DIP2C: variants seen among roughly 807,000 people sequenced by gnomAD.
DIP2C encodes disco-interacting protein 2 homolog C.
In DIP2C, 33 loss-of-function variants were observed where a neutral mutation model predicts 192.4. That is an observed-to-expected ratio of 0.17 (90% CI 0.13 to 0.23). DIP2C has a LOEUF of 0.23. Ranked by LOEUF, DIP2C falls within the 10% of genes least tolerant of loss-of-function variation. The probability of loss-of-function intolerance (pLI) is 1.00; values close to 1 mark genes in which losing one functional copy is unlikely to be tolerated. For missense variants in DIP2C, 1,537 were observed against 2,110.1 expected, an observed-to-expected ratio of 0.73 and a Z score of 5.32; for synonymous variants, 979 against 864.1, an observed-to-expected ratio of 1.13 and a Z score of -2.33.
chr10:401,315 T>C (rs1964421729), intron 9 of DIP2C, among the ~76,000 whole-genome samples: 1 of 151,844 alleles, frequency 6.6e-6, no homozygotes, highest in Non-Finnish European at 1.5e-5. Context: ...GTTTGGTATG[T>C]GTTCATCAGC....
chr10:558,151 G>A (rs1299557838), intron 1 of DIP2C, among the ~76,000 whole-genome samples: 1 of 152,128 alleles, frequency 6.6e-6, no homozygotes, highest in Non-Finnish European at 1.5e-5. Flanking sequence ...TACCAGCCAC[G>A]CTGTTCCCCA....
intron 36 of DIP2C, among the ~76,000 whole-genome samples, chr10:279,504 A>G (rs1476677655): frequency 6.6e-6 from 1 of 152,194 alleles, no homozygotes; most frequent in African/African-American, 2.4e-5. Flanking sequence ...GGAGCTGTGC[A>G]CGCTATTTAA....
chr10:582,345 C>A (rs1850723235), intron 1 of DIP2C, among the ~76,000 whole-genome samples: 1 of 152,190 alleles, frequency 6.6e-6, no homozygotes, highest in Non-Finnish European at 1.5e-5. Flanking sequence ...CAGAGGTTCT[C>A]CGTAAAAACC....
intron 1 of DIP2C, among the ~76,000 whole-genome samples, chr10:609,271 C>T (rs890468459): frequency 2.8e-4 from 42 of 152,128 alleles, no homozygotes; most frequent in African/African-American, 9.4e-4. Context: ...ATTAACAGGA[C>T]AAGTTTTTTC....
intron 34 of DIP2C, among the ~76,000 whole-genome samples, chr10:284,443 T>G (rs1954993133): frequency 6.6e-6 from 1 of 152,196 alleles, no homozygotes; most frequent in African/African-American, 2.4e-5. Flanking sequence ...ATGCTGCCAT[T>G]TGCAACAGCA....
At chr10:463,333 C>A (rs1172095806) in intron 3 of DIP2C, among the ~76,000 whole-genome samples, 2 of 152,164 alleles carry the variant, frequency 1.3e-5, no homozygotes, top group African/African-American at 4.8e-5. Context: ...GCAAAAATCA[C>A]AAGCATTCTT....
At chr10:592,976 A>C (rs1462263470) in intron 1 of DIP2C, among the ~76,000 whole-genome samples, 2 of 152,190 alleles carry the variant, frequency 1.3e-5, no homozygotes, top group Non-Finnish European at 2.9e-5. Context: ...AACAGGTAAC[A>C]GTTTGGTTCT....
intron 4 of DIP2C, among the ~76,000 whole-genome samples, chr10:429,901 A>T (rs1439072101): frequency 6.6e-6 from 1 of 152,152 alleles, no homozygotes; most frequent in Non-Finnish European, 1.5e-5. Context: ...GCAAATGCCA[A>T]GGAGTGTAAT....
At chr10:523,501 G>A (rs1348783285) in intron 1 of DIP2C, among the ~76,000 whole-genome samples, 1 of 138,090 alleles carries the variant, frequency 7.2e-6, no homozygotes, top group Non-Finnish European at 1.5e-5. Flanking sequence ...GGGACTCTGT[G>A]TCACCCACAC....
Position 458,207 on chromosome 10 carries a change from C to T in DIP2C, c.268+14232G>A, listed in dbSNP as rs530148778. On this transcript the variant is annotated intron_variant, in intron 3 of 36. Coordinates refer to ENST00000280886, the MANE Select transcript of DIP2C (RefSeq NM_014974.3). ...AGTCCTACTTGGCCGCACTGTAGGC[C>T]GCCTTCTCTCCTAGCATCATTCTGA... 2.6e-5 allele frequency among the ~76,000 whole-genome samples: 4 copies of T among 152,302 alleles called. No homozygotes were observed. In the South Asian group the frequency reaches 8.3e-4, roughly 32 times the overall value.
intron 1 of DIP2C, among the ~76,000 whole-genome samples, chr10:600,880 A>C (rs1200148091): frequency 6.7e-6 from 1 of 150,280 alleles, no homozygotes; most frequent in African/African-American, 2.5e-5. Flanking sequence ...TTTCTGTAAC[A>C]AAGTTGGATA....
chr10:437,337 T>C (rs1212024476), intron 4 of DIP2C, among the ~76,000 whole-genome samples: 1 of 144,246 alleles, frequency 6.9e-6, no homozygotes, highest in African/African-American at 2.6e-5. Context: ...CTGGACATGG[T>C]AGGGTGGCCA....
At chr10:388,011 T>C (rs1428780467) in intron 13 of DIP2C, among the ~76,000 whole-genome samples, 8 of 152,208 alleles carry the variant, frequency 5.3e-5, no homozygotes, top group African/African-American at 1.9e-4. Context: ...ACAGATATCC[T>C]GACACATGAG....
intron 1 of DIP2C, among the ~76,000 whole-genome samples, chr10:646,182 G>A (rs1855442876): frequency 6.6e-6 from 1 of 152,178 alleles, no homozygotes; most frequent in Non-Finnish European, 1.5e-5. Flanking sequence ...AGCCCCAGCA[G>A]GAATGTGGTG....
At chr10:540,101 A>G (rs188565948) in intron 1 of DIP2C, among the ~76,000 whole-genome samples, 1 of 152,372 alleles carries the variant, frequency 6.6e-6, no homozygotes, top group East Asian at 1.9e-4. Context: ...GCAACACAGA[A>G]TATTAAAGCA....
At chr10:360,791 A>C (rs1000553875) in intron 22 of DIP2C, among the ~76,000 whole-genome samples, 2 of 152,220 alleles carry the variant, frequency 1.3e-5, no homozygotes, top group African/African-American at 4.8e-5. Flanking sequence ...CCATTAACTG[A>C]GTAAATATGA....
intron 1 of DIP2C, among the ~76,000 whole-genome samples, chr10:488,537 A>T (rs1278902159): frequency 1.3e-5 from 2 of 152,224 alleles, no homozygotes; most frequent in East Asian, 1.9e-4. Flanking sequence ...CTTCCACTCT[A>T]AAGCTGGTGT....
intron 1 of DIP2C, among the ~76,000 whole-genome samples, chr10:627,320 A>ACC (rs1483303362): frequency 6.7e-6 from 1 of 150,132 alleles, no homozygotes; most frequent in Non-Finnish European, 1.5e-5. Flanking sequence ...CCTCTCCAAA[A>ACC]CCCCCCATCA....
intron 22 of DIP2C, among the ~76,000 whole-genome samples, chr10:360,472 G>A (rs1192409947): frequency 1.3e-5 from 2 of 152,176 alleles, no homozygotes; most frequent in East Asian, 1.9e-4. Context: ...CAGCCGCATC[G>A]CTGGTATTAT....
Sources: gnomAD v4.1 joint callset for allele counts (sites outside exome capture counted in the v4.1 genomes callset) on GRCh38, gnomAD v4.1.1 for gene constraint, MANE v1.5 for transcripts, NCBI Gene and HGNC (gene_info 2026-07-23, HGNC 2026-07-21) for gene names.